TCF7L1: variants seen among roughly 807,000 people sequenced by gnomAD.
The protein encoded by TCF7L1 is transcription factor 7 like 1, also known as transcription factor 7-like 1.
Under a neutral mutation model 63.7 loss-of-function variants are expected in TCF7L1, and 18 were observed. That is an observed-to-expected ratio of 0.28 (90% CI 0.20 to 0.42). The LOEUF (loss-of-function observed/expected upper bound fraction) is 0.42, where lower values mean the gene tolerates loss of function less well. Among genes scored for constraint, TCF7L1 ranks in the 10% least tolerant of loss-of-function variants. The pLI is 1.00. For missense variants in TCF7L1, 654 were observed against 779.3 expected (o/e 0.84, Z 1.91); for synonymous variants, 355 against 340.9 (o/e 1.04, Z -0.46).
intron 3 of TCF7L1, among the ~76,000 whole-genome samples, chr2:85,144,417 C>CAAAAAA (rs55964315): frequency 3.6e-4 from 34 of 94,932 alleles, no homozygotes; most frequent in Admixed American, 6.1e-4. Flanking sequence ...CCTGTCTCTA[C>CAAAAAA]AAAAAAAAAA....
intron 3 of TCF7L1, among the ~76,000 whole-genome samples, chr2:85,205,857 T>G (rs1456829781): frequency 6.6e-6 from 1 of 152,250 alleles, no homozygotes; most frequent in Non-Finnish European, 1.5e-5. Context: ...AGCAGTTTTC[T>G]CCACACCTGT....
At chr2:85,245,032 T>C (rs1447195889) in intron 3 of TCF7L1, among the ~76,000 whole-genome samples, 4 of 152,122 alleles carry the variant, frequency 2.6e-5, no homozygotes, top group Admixed American at 2.6e-4. Context: ...GTTTAGCAAA[T>C]GCAGGTCTTT....
intron 3 of TCF7L1, among the ~76,000 whole-genome samples, chr2:85,247,691 TC>T (rs1470985256): frequency 1.3e-5 from 2 of 152,218 alleles, no homozygotes; most frequent in Non-Finnish European, 2.9e-5. Context: ...TGCGCGGGTG[TC>T]CTATGGCTCT....
intron 3 of TCF7L1, among the ~76,000 whole-genome samples, chr2:85,178,263 A>G (rs1462653891): frequency 2.0e-5 from 3 of 152,240 alleles, no homozygotes; most frequent in Admixed American, 2.0e-4. Context: ...CTGTGTTTTC[A>G]CCTGCCATTA....
chr2:85,287,830 G>A (rs1681599826), intron 4 of TCF7L1, among the ~76,000 whole-genome samples: 1 of 152,098 alleles, frequency 6.6e-6, no homozygotes, highest in Admixed American at 6.6e-5. Flanking sequence ...TATATGAGTG[G>A]GAGGCTGTAT....
intron 3 of TCF7L1, among the ~76,000 whole-genome samples, chr2:85,258,243 T>C (rs1004698073): frequency 6.6e-6 from 1 of 152,116 alleles, no homozygotes; most frequent in African/African-American, 2.4e-5. Context: ...GGGGCCTGCA[T>C]TGGACCCTAC....
rs1273488175 is a variant in TCF7L1 at position 85,241,431 on chromosome 2, G to GTTTTTTTTTTTT, written c.442-42059_442-42058insTTTTTTTTTTTT. On this transcript the variant is annotated intron_variant, in intron 3 of 11. Transcript: ENST00000282111. ...TGATCCAGAGGACTGGATGCACTTT[G>GTTTTTTTTTTTT]TTTTTGTTTTTTTTTTTTTTTTTTT... Among the ~76,000 whole-genome samples the GTTTTTTTTTTTT allele has an allele frequency of 7.0e-4, 48 of 68,778 alleles. 5 individuals are homozygous for GTTTTTTTTTTTT. Among genetic ancestry groups the GTTTTTTTTTTTT allele is most frequent in the African/African-American group, 2.4e-3 (46 of 19,242 alleles). 45.1% of individuals were successfully genotyped at this position (68,778 alleles called of 152,430 possible). A position where few individuals can be genotyped will look rare whatever the true frequency, so the allele number is the denominator to read the frequency against.
chr2:85,274,030 C>T (rs979876018), intron 3 of TCF7L1, among the ~76,000 whole-genome samples: 3 of 152,148 alleles, frequency 2.0e-5, no homozygotes, highest in African/African-American at 4.8e-5. Flanking sequence ...GGGAGGGAAG[C>T]GTGTCAGTAG....
rs1245711114 is a variant in TCF7L1 at position 85,306,478 on chromosome 2, G to A, written c.1176G>A (p.Gln392=). 5 of 1,614,146 alleles carry A rather than the reference G, an allele frequency of 3.1e-6. No individual in the cohort carries two copies. The highest frequency in any genetic ancestry group is 4.2e-6 in the Non-Finnish European group (5 of 1,180,046). The change falls in exon 10 of 12, where the codon CAG becomes CAA. Residue 392 remains glutamine (Q), a synonymous_variant. Transcript: ENST00000282111. The surrounding 1 kb of genome is among the most constrained non-coding windows in gnomAD (Gnocchi z 4.3). ...GGCACAACCTGTCTCGAGAAGAACA[G>A]GCCAAGTACTACGAGCTGGCCCGGA... ...RKWHNLSREE[Q]AKYYELARKE...
chr2:85,255,120 G>T (rs73943082), intron 3 of TCF7L1, among the ~76,000 whole-genome samples: 2 of 152,098 alleles, frequency 1.3e-5, no homozygotes, highest in Non-Finnish European at 2.9e-5. Flanking sequence ...TCAAGAGTGT[G>T]TCTTGAGCTG....
chr2:85,223,721 A>G (rs1405277051), intron 3 of TCF7L1, among the ~76,000 whole-genome samples: 1 of 152,234 alleles, frequency 6.6e-6, no homozygotes, highest in Non-Finnish European at 1.5e-5. Flanking sequence ...GACTTTACAA[A>G]TAAGAACACC....
intron 3 of TCF7L1, among the ~76,000 whole-genome samples, chr2:85,155,329 C>T (rs1293901509): frequency 1.3e-5 from 2 of 152,312 alleles, no homozygotes; most frequent in African/African-American, 2.4e-5. Flanking sequence ...GCTGGCCACC[C>T]CAGCCAGCAG....
intron 4 of TCF7L1, among the ~76,000 whole-genome samples, chr2:85,295,164 T>TA (rs1461442984): frequency 1.3e-5 from 2 of 152,212 alleles, no homozygotes; most frequent in Non-Finnish European, 2.9e-5. Context: ...ATACTGATTG[T>TA]AATTCTTAAT....
chr2:85,302,002 C>T (rs1391115428), intron 4 of TCF7L1, among the ~76,000 whole-genome samples: 1 of 152,008 alleles, frequency 6.6e-6, no homozygotes, highest in African/African-American at 2.4e-5. Context: ...ATGGCAGACG[C>T]CTGTAATCCC....
intron 4 of TCF7L1, among the ~76,000 whole-genome samples, chr2:85,296,403 A>G (rs1056692273): frequency 5.3e-5 from 8 of 152,194 alleles, no homozygotes; most frequent in Non-Finnish European, 1.0e-4. Flanking sequence ...TCACTGCACT[A>G]AAGTTGCATC....
At chr2:85,284,305 C>A (rs917443403) in intron 4 of TCF7L1, among the ~76,000 whole-genome samples, 1 of 152,110 alleles carries the variant, frequency 6.6e-6, no homozygotes, top group African/African-American at 2.4e-5. Flanking sequence ...CCACCGCGCC[C>A]GGCCGAAGAG....
chr2:85,135,216 T>C (rs560764229), intron 3 of TCF7L1, among the ~76,000 whole-genome samples: 66 of 152,172 alleles, frequency 4.3e-4, no homozygotes, highest in Non-Finnish European at 8.1e-4. Flanking sequence ...CTTCGCCCCC[T>C]CTCTCTGGCT....
At chr2:85,241,295 T>C (rs1680313844) in intron 3 of TCF7L1, among the ~76,000 whole-genome samples, 1 of 152,168 alleles carries the variant, frequency 6.6e-6, no homozygotes, top group African/African-American at 2.4e-5. Context: ...TGAAATGCCC[T>C]GTCCTCAGTG....
In TCF7L1 at chr2:85,305,344, C is replaced by T. The variant is rs1354977284; in HGVS notation, c.930C>T (p.Ile310=). ...LPTSGIPHPA[I]VSPIVKQEPA... is the part of the protein sequence containing the mutation. ...CCTCAGGGATCCCCCACCCTGCCAT[C>T]GTCTCCCCCATCGTCAAGCAGGAAC... The change falls in exon 8 of 12, where the codon ATC becomes ATT. Residue 310 remains isoleucine (I), a synonymous_variant. Transcript: ENST00000282111. 5.0e-6 allele frequency: 8 copies of T among 1,613,772 alleles called. No individual in the cohort carries two copies. The highest frequency in any genetic ancestry group is 2.2e-5 in the East Asian group (1 of 44,846).
Sources: gnomAD v4.1 joint callset for allele counts (sites outside exome capture counted in the v4.1 genomes callset) on GRCh38, gnomAD v4.1.1 for gene constraint, Gnocchi (gnomAD v3.1) non-coding constraint, MANE v1.5 for transcripts, NCBI Gene and HGNC (gene_info 2026-07-23, HGNC 2026-07-21) for gene names.